The following PTPN4 variants were observed in gnomAD, a reference collection of about 807,000 sequenced individuals.
PTPN4 encodes tyrosine-protein phosphatase non-receptor type 4.
A neutral mutation model predicts 135.5 loss-of-function variants in PTPN4; 49 were observed. That is an observed-to-expected ratio of 0.36 (90% CI 0.29 to 0.46). The LOEUF (loss-of-function observed/expected upper bound fraction) is 0.46, where lower values mean the gene tolerates loss of function less well. Ranked by LOEUF, PTPN4 falls within the 20% of genes least tolerant of loss-of-function variation. PTPN4 has a pLI of 1.00. For synonymous variants in PTPN4, 333 were observed against 369.9 expected, an observed-to-expected ratio of 0.90 and a Z score of 1.14; for missense variants, 860 against 1,101.0, an observed-to-expected ratio of 0.78 and a Z score of 3.10.
At chr2:119,960,725 CAGTT>C (rs1006791411) in intron 22 of PTPN4, 78 bp from the exon 23 acceptor site, 17 of 1,373,816 alleles carry the variant, frequency 1.2e-5, no homozygotes, top group African/African-American at 8.7e-5. Context: ...TTCACTATAA[CAGTT>C]AGTGGATGAT....
chr2:119,861,685 A>G, intron 2 of PTPN4, among the ~76,000 whole-genome samples: 1 of 152,230 alleles, frequency 6.6e-6, no homozygotes, highest in South Asian at 2.1e-4. Flanking sequence ...ATGTCATTAT[A>G]ATTTCCCATT....
intron 1 of PTPN4, among the ~76,000 whole-genome samples, chr2:119,805,145 C>T (rs12105297): frequency 0.014 from 2,193 of 152,032 alleles, 48 homozygotes; most frequent in African/African-American, 0.05. Context: ...TTGTTTTTTT[C>T]TTATAAATTT....
chr2:119,770,516 A>T (rs954451847), intron 1 of PTPN4, among the ~76,000 whole-genome samples: 2 of 152,120 alleles, frequency 1.3e-5, no homozygotes, highest in African/African-American at 4.8e-5. Context: ...ATTCTATGGT[A>T]TTTATGCAAA....
chr2:119,859,559 A>G (rs1677730224), intron 2 of PTPN4, among the ~76,000 whole-genome samples: 1 of 152,086 alleles, frequency 6.6e-6, no homozygotes, highest in South Asian at 2.1e-4. Context: ...TGTTTGGGAG[A>G]CACCACTTGC....
intron 1 of PTPN4, among the ~76,000 whole-genome samples, chr2:119,806,539 T>A (rs1359218234): frequency 6.6e-6 from 1 of 152,178 alleles, no homozygotes; most frequent in East Asian, 1.9e-4. Context: ...ATCCTAAATA[T>A]ATATGCACCC....
At chr2:119,917,472 G>T (rs548691438) in intron 11 of PTPN4, among the ~76,000 whole-genome samples, 1 of 152,154 alleles carries the variant, frequency 6.6e-6, no homozygotes, top group Non-Finnish European at 1.5e-5. Context: ...GGTGGCTCAC[G>T]CCTGTAATCC....
At chr2:119,815,395 C>A (rs1184856210) in intron 2 of PTPN4, among the ~76,000 whole-genome samples, 1 of 152,066 alleles carries the variant, frequency 6.6e-6, no homozygotes, top group African/African-American at 2.4e-5. Context: ...CCAATTGATC[C>A]ATTCTCTTGT....
intron 1 of PTPN4, among the ~76,000 whole-genome samples, chr2:119,782,877 A>G (rs919611790): frequency 3.3e-5 from 5 of 150,864 alleles, no homozygotes; most frequent in African/African-American, 1.2e-4. Flanking sequence ...GGCTAATTAA[A>G]AAAAAAAATG....
chr2:119,760,871 CAAAAAAAAAA>C (rs11288109), intron 1 of PTPN4, among the ~76,000 whole-genome samples: 7 of 82,036 alleles, frequency 8.5e-5, no homozygotes, highest in African/African-American at 3.1e-4. Flanking sequence ...GTAGTTGAGC[CAAAAAAAAAA>C]AAAAAAAAAA....
chr2:119,809,148 T>G (rs2104947872), intron 1 of PTPN4, among the ~76,000 whole-genome samples: 1 of 152,148 alleles, frequency 6.6e-6, no homozygotes, highest in East Asian at 1.9e-4. Context: ...TCAAAGAATT[T>G]TCTTTCACAA....
intron 2 of PTPN4, among the ~76,000 whole-genome samples, chr2:119,847,289 C>T (rs986313235): frequency 2.0e-4 from 18 of 90,874 alleles, no homozygotes; most frequent in African/African-American, 4.8e-4. Context: ...CACACACACA[C>T]ACACACACAC....
intron 8 of PTPN4, among the ~76,000 whole-genome samples, chr2:119,884,507 C>T (rs1678126924): frequency 2.0e-5 from 3 of 152,138 alleles, no homozygotes; most frequent in African/African-American, 4.8e-5. Context: ...AGACTAATGA[C>T]TGAGTTTTTA....
intron 26 of PTPN4, among the ~76,000 whole-genome samples, chr2:119,971,420 A>G (rs923671671): frequency 2.6e-5 from 4 of 152,234 alleles, no homozygotes; most frequent in African/African-American, 4.8e-5. Context: ...GCTATACCAT[A>G]TCACTAATGA....
intron 9 of PTPN4, among the ~76,000 whole-genome samples, chr2:119,896,599 G>A (rs551683314): frequency 3.3e-5 from 5 of 152,244 alleles, no homozygotes; most frequent in South Asian, 2.1e-4. Context: ...TATGCTGGAT[G>A]CCTAGATCCA....
intron 1 of PTPN4, among the ~76,000 whole-genome samples, chr2:119,796,016 G>A (rs370920496): frequency 7.9e-5 from 12 of 152,308 alleles, no homozygotes; most frequent in South Asian, 2.1e-4. Flanking sequence ...GGGTGCCTGC[G>A]GGCCCCTGAG....
intron 1 of PTPN4, among the ~76,000 whole-genome samples, chr2:119,785,150 T>C (rs1372115533): frequency 6.6e-6 from 1 of 152,162 alleles, no homozygotes; most frequent in Non-Finnish European, 1.5e-5. Flanking sequence ...TACCCTTCAA[T>C]TGTGAGAACC....
intron 2 of PTPN4, among the ~76,000 whole-genome samples, chr2:119,847,309 C>T (rs866992666): frequency 0.048 from 4,692 of 97,176 alleles, 262 homozygotes; most frequent in African/African-American, 0.13. Context: ...CACACACACA[C>T]ACACACATAT....
intron 3 of PTPN4, among the ~76,000 whole-genome samples, chr2:119,863,962 G>A (rs768041323): frequency 3.3e-5 from 5 of 152,102 alleles, no homozygotes; most frequent in Non-Finnish European, 5.9e-5. Context: ...AATCAAAAGG[G>A]TCAGAATGTA....
chr2:119,847,454 A>G (rs1677521786), intron 2 of PTPN4, among the ~76,000 whole-genome samples: 1 of 151,274 alleles, frequency 6.6e-6, no homozygotes, highest in Admixed American at 6.6e-5. Context: ...CAGCCTCCTG[A>G]GTAGCTGGGA....
Sources: allele counts gnomAD v4.1 joint callset (sites outside exome capture counted in the v4.1 genomes callset), GRCh38; gene constraint gnomAD v4.1.1; transcripts MANE v1.5; gene names NCBI Gene and HGNC (gene_info 2026-07-23, HGNC 2026-07-21).